MPHOSPH9: variants seen among roughly 807,000 people sequenced by gnomAD.
MPHOSPH9 encodes M-phase phosphoprotein 9.
MPHOSPH9 carries 88 observed loss-of-function variants against 145.5 expected under a neutral mutation model. That is an observed-to-expected ratio of 0.60 (90% CI 0.51 to 0.72). MPHOSPH9 has a LOEUF of 0.72. Ranked by LOEUF, MPHOSPH9 falls within the 30% of genes least tolerant of loss-of-function variation. The probability of loss-of-function intolerance (pLI) is 0.00; values close to 1 mark genes in which losing one functional copy is unlikely to be tolerated. For synonymous variants in MPHOSPH9, 435 were observed against 486.2 expected, an observed-to-expected ratio of 0.89 and a Z score of 1.39; for missense variants, 1,238 against 1,386.6, an observed-to-expected ratio of 0.89 and a Z score of 1.70.
intron 17 of MPHOSPH9, chr12:123,166,284 T>C (rs1472704592): frequency 4.5e-6 from 1 of 221,946 alleles, no homozygotes; most frequent in African/African-American, 2.4e-5. Flanking sequence ...TATATTTATT[T>C]TTTGTAGAGG....
intron 11 of MPHOSPH9, among the ~76,000 whole-genome samples, chr12:123,201,769 G>C (rs2046232892): frequency 6.6e-6 from 1 of 152,096 alleles, no homozygotes; most frequent in Admixed American, 6.6e-5. Flanking sequence ...TTCTAAAATA[G>C]GTATGAAGCT....
chr12:123,182,257 T>G (rs377183212), intron 13 of MPHOSPH9, among the ~76,000 whole-genome samples: 10 of 70,108 alleles, frequency 1.4e-4, no homozygotes, highest in Non-Finnish European at 4.1e-4. Flanking sequence ...GTGTTTTTTT[T>G]TTTGTTTTTT....
intron 13 of MPHOSPH9, among the ~76,000 whole-genome samples, chr12:123,187,217 G>A (rs1006977848): frequency 5.9e-5 from 9 of 151,952 alleles, no homozygotes; most frequent in African/African-American, 2.2e-4. Flanking sequence ...CCAAGATTGC[G>A]CCATTGCACT....
At chr12:123,234,606 A>G (rs1156691994), upstream of MPHOSPH9, among the ~76,000 whole-genome samples, 1 of 152,156 alleles carries the variant, frequency 6.6e-6, no homozygotes. Context: ...CATATTGGCC[A>G]GGCTGGTCTC....
At chr12:123,182,783 G>A (rs935679860) in intron 13 of MPHOSPH9, among the ~76,000 whole-genome samples, 5 of 150,148 alleles carry the variant, frequency 3.3e-5, no homozygotes, top group African/African-American at 4.9e-5. Flanking sequence ...GTGTGGTGGC[G>A]CGTGCCTGTA....
rs1261417987 is a variant in MPHOSPH9, at chr12:123,171,462, A to G, written c.2457-4673T>C. Among the ~76,000 whole-genome samples, 5 of 137,894 alleles carry G rather than the reference A, an allele frequency of 3.6e-5. No homozygotes were observed. The East Asian group carries it at 6.7e-4, about 19-fold the overall frequency. 90.5% of individuals were successfully genotyped at this position (137,894 alleles called of 152,430 possible). A position where few individuals can be genotyped will look rare whatever the true frequency, so the allele number is the denominator to read the frequency against. ...AGCGAGACTTTGTCTCTAAAATAAA[A>G]TATCAGCCAGGAACTGTGGCTCACG... On this transcript the variant is annotated intron_variant, in intron 16 of 23. Transcript: ENST00000606320.
At chr12:123,172,956 A>G (rs1219982766) in intron 16 of MPHOSPH9, among the ~76,000 whole-genome samples, 1 of 126,694 alleles carries the variant, frequency 7.9e-6, no homozygotes, top group Non-Finnish European at 1.6e-5. Context: ...ATCTTGGCTC[A>G]CTGCAACCTC....
chr12:123,209,737 G>GT (rs531113020), intron 8 of MPHOSPH9, among the ~76,000 whole-genome samples: 71,508 of 123,626 alleles, frequency 0.58, 24,643 homozygotes, highest in Non-Finnish European at 0.75. Flanking sequence ...TTGTTTTGTT[G>GT]TTTTTTTTTT....
intron 1 of MPHOSPH9, among the ~76,000 whole-genome samples, 196 bp from the exon 2 acceptor site, chr12:123,230,718 T>A (rs2047605503): frequency 6.6e-6 from 1 of 152,124 alleles, no homozygotes; most frequent in Non-Finnish European, 1.5e-5. Flanking sequence ...ATGAAGCATA[T>A]TCATAGAACA....
chr12:123,202,212 A>C lies in MPHOSPH9; in HGVS notation c.1889T>G (p.Ile630Ser). 1 of 1,613,090 alleles carries C rather than the reference A, an allele frequency of 6.2e-7. No homozygotes were observed. Among genetic ancestry groups the C allele is most frequent in the South Asian group, 1.1e-5 (1 of 90,734 alleles). Residue 630 changes from isoleucine (I) to serine (S), a missense_variant, in exon 11 of 24, where the codon ATC (isoleucine) becomes AGC (serine). By Grantham distance (142) the Ile-to-Ser change is moderately radical. Transcript: ENST00000606320. Reference sequence around the variant, plus strand: ...TATCTTCCAATCTTCAACTCCAGAGATTTCTTTTGCCTCCAGCTTCTGTTT... The same window carrying C: ...TATCTTCCAATCTTCAACTCCAGAGCTTTCTTTTGCCTCCAGCTTCTGTTT... ...SLKQKLEAKEISGVEDWKITN... is the reference protein window; with the variant it reads ...SLKQKLEAKESSGVEDWKITN...
intron 6 of MPHOSPH9, among the ~76,000 whole-genome samples, 170 bp from the exon 7 acceptor site, chr12:123,215,004 G>C (rs1257322961): frequency 1.3e-5 from 2 of 152,228 alleles, no homozygotes; most frequent in East Asian, 1.9e-4. Flanking sequence ...AGCACTTTGG[G>C]AGGCCGAGGC....
At chr12:123,197,182 T>TA (rs886396439) in intron 12 of MPHOSPH9, among the ~76,000 whole-genome samples, 3 of 151,170 alleles carry the variant, frequency 2.0e-5, no homozygotes, top group Admixed American at 6.6e-5. Flanking sequence ...TGCAAAAAAT[T>TA]AAAAAAAAAT....
At chr12:123,226,908 A>C (rs894958608) in intron 3 of MPHOSPH9, among the ~76,000 whole-genome samples, 2 of 152,202 alleles carry the variant, frequency 1.3e-5, no homozygotes, top group African/African-American at 4.8e-5. Flanking sequence ...AAGTGCTGGG[A>C]TTACAGGCGT....
chr12:123,156,483 A>C lies in MPHOSPH9; in HGVS notation c.*324T>G, dbSNP rs1037966097. 1.1e-5 allele frequency: 2 copies of C among 182,226 alleles called. No homozygotes were observed. Among genetic ancestry groups the C allele is most frequent in the African/African-American group, 4.7e-5 (2 of 42,448 alleles). 11.3% of individuals were successfully genotyped at this position (182,226 alleles called of 1,614,324 possible). A position where few individuals can be genotyped will look rare whatever the true frequency, so the allele number is the denominator to read the frequency against. On this transcript the variant is annotated 3_prime_UTR_variant, in exon 24 of 24. Coordinates refer to ENST00000606320, the MANE Select transcript of MPHOSPH9 (RefSeq NM_022782.4). ...AGTCTATAAAATTGATGTGCAGTTA[A>C]TTGTAAAAGGATAACACTATTTGTT...
chr12:123,175,233 C>T (rs1338580308), intron 16 of MPHOSPH9, among the ~76,000 whole-genome samples: 1 of 151,934 alleles, frequency 6.6e-6, no homozygotes. Context: ...TCACTGCAAG[C>T]TCCGCCTCCC....
chr12:123,192,624 G>T (rs111356784), intron 13 of MPHOSPH9, among the ~76,000 whole-genome samples: 1 of 53,912 alleles, frequency 1.9e-5, no homozygotes, highest in Admixed American at 3.1e-4. Flanking sequence ...GTGAGACACC[G>T]TCTCAAAAAA....
intron 2 of MPHOSPH9, 43 bp downstream of exon 2, chr12:123,230,218 G>C: frequency 9.7e-7 from 1 of 1,031,336 alleles, no homozygotes; most frequent in Non-Finnish European, 1.4e-6. Context: ...ATGCAAATAA[G>C]GTTATTCTGA....
intron 8 of MPHOSPH9, among the ~76,000 whole-genome samples, chr12:123,208,988 A>T (rs1174586983): frequency 6.6e-6 from 1 of 152,146 alleles, no homozygotes; most frequent in African/African-American, 2.4e-5. Context: ...GCTGGAGTGC[A>T]GTGGCACCAT....
At chr12:123,183,467 G>T (rs2045288051) in intron 13 of MPHOSPH9, among the ~76,000 whole-genome samples, 1 of 134,790 alleles carries the variant, frequency 7.4e-6, no homozygotes, top group Non-Finnish European at 1.5e-5. Flanking sequence ...AAAATTGCTT[G>T]AACTTGGAAG....
Sources: allele counts gnomAD v4.1 joint callset (sites outside exome capture counted in the v4.1 genomes callset), GRCh38; gene constraint gnomAD v4.1.1; transcripts MANE v1.5; gene names NCBI Gene and HGNC (gene_info 2026-07-23, HGNC 2026-07-21).